IRS2: variants seen among roughly 807,000 people sequenced by gnomAD.
IRS2 encodes insulin receptor substrate 2.
A neutral mutation model predicts 70.9 loss-of-function variants in IRS2; 28 were observed. That is an observed-to-expected ratio of 0.39 (90% CI 0.29 to 0.54). The LOEUF (loss-of-function observed/expected upper bound fraction) is 0.54, where lower values mean the gene tolerates loss of function less well. Ranked by LOEUF, IRS2 falls within the 20% of genes least tolerant of loss-of-function variation. The pLI is 0.59. For synonymous variants in IRS2, 1,217 were observed against 981.9 expected (o/e 1.24, Z -4.48); for missense variants, 2,081 against 2,024.1 (o/e 1.03, Z -0.54).
At position 109,783,737 on chromosome 13, in the gene IRS2, C is replaced by G. The variant is rs1877807365; in HGVS notation, c.2317G>C (p.Asp773His). 6.3e-7 allele frequency: 1 copy of G among 1,584,458 alleles called. No homozygotes were observed. The highest frequency in any genetic ancestry group is 8.6e-7 in the Non-Finnish European group (1 of 1,165,468). The change falls in exon 1 of 2, where the codon GAC becomes CAC. Residue 773 changes from aspartate to histidine, a missense_variant. Asp to His is a moderately conservative substitution (Grantham distance 81). Around this residue, in one of 4 missense-constraint regions of IRS2, gnomAD observed 1,615 missense variants for 1,459.5 expected, o/e 1.11. Transcript: ENST00000375856. ...NGDYLNVSPS[D>H]AVTTGTPPDF... Reference sequence around the variant, plus strand: ...GGCGGGGTGCCCGTGGTGACCGCGTCGCTGGGGGACACGTTGAGGTAGTCC... The same window carrying G: ...GGCGGGGTGCCCGTGGTGACCGCGTGGCTGGGGGACACGTTGAGGTAGTCC...
At chr13:109,768,896 TA>T (rs922139357) in intron 1 of IRS2, among the ~76,000 whole-genome samples, 7 of 152,094 alleles carry the variant, frequency 4.6e-5, no homozygotes, top group African/African-American at 1.7e-4. Context: ...GATTTTCCAT[TA>T]AAAAACAGGG....
rs2138932014 is a variant in IRS2 at position 109,783,214 on chromosome 13, G to A, written c.2840C>T (p.Ser947Leu). ...GGCCGGGCTGCTGGCGGACAAGAGCGAGGAGGACGAGGCCGCCGACGCCAG... is the reference window on the plus strand; with the variant it reads ...GGCCGGGCTGCTGGCGGACAAGAGCAAGGAGGACGAGGCCGCCGACGCCAG... ...PLLASAASSS[S>L]LLSASSPASS... The change falls in exon 1 of 2, where the codon TCG becomes TTG. Residue 947 changes from serine to leucine, a missense_variant. Ser to Leu is a moderately radical substitution (Grantham distance 145). Transcript: ENST00000375856. 1 of 1,429,284 alleles carries A rather than the reference G, an allele frequency of 7.0e-7. No individual in the cohort carries two copies. The highest frequency in any genetic ancestry group is 9.1e-7 in the Non-Finnish European group (1 of 1,095,174). 88.5% of individuals were successfully genotyped at this position (1,429,284 alleles called of 1,614,324 possible). A position where few individuals can be genotyped will look rare whatever the true frequency, so the allele number is the denominator to read the frequency against.
chr13:109,767,949 T>C (rs958651365), intron 1 of IRS2, among the ~76,000 whole-genome samples: 2 of 152,184 alleles, frequency 1.3e-5, no homozygotes, highest in Non-Finnish European at 2.9e-5. Context: ...GCCAGGATGG[T>C]CTCAAACTCC....
At position 109,783,731 on chromosome 13, in the gene IRS2, C is replaced by A. The variant is rs1877807104; in HGVS notation, c.2323G>T (p.Val775Phe). 6.3e-7 allele frequency: 1 copy of A among 1,580,588 alleles called. No homozygotes were observed. Among genetic ancestry groups the A allele is most frequent in the African/African-American group, 1.3e-5 (1 of 74,240 alleles). ...AAGTCGGGCGGGGTGCCCGTGGTGA[C>A]CGCGTCGCTGGGGGACACGTTGAGG... ...DYLNVSPSDAVTTGTPPDFFS... is the reference protein window; with the variant it reads ...DYLNVSPSDAFTTGTPPDFFS... Residue 775 changes from valine to phenylalanine, a missense_variant, in exon 1 of 2, where the codon GTC becomes TTC. Physicochemically the swap from Val to Phe is conservative, Grantham distance 50. Coordinates refer to ENST00000375856, the MANE Select transcript of IRS2 (RefSeq NM_003749.3).
At chr13:109,760,519 G>A (rs1422630370) in intron 1 of IRS2, among the ~76,000 whole-genome samples, 1 of 152,212 alleles carries the variant, frequency 6.6e-6, no homozygotes, top group Admixed American at 6.5e-5. Flanking sequence ...ACTTTTAGCA[G>A]AGATGAGAGT....
At chr13:109,767,623 A>T (rs766810392) in intron 1 of IRS2, among the ~76,000 whole-genome samples, 1 of 152,068 alleles carries the variant, frequency 6.6e-6, no homozygotes, top group Non-Finnish European at 1.5e-5. Flanking sequence ...TGCGTACAGA[A>T]TAGACAGTAG....
At chr13:109,780,864 C>T (rs1261782936) in intron 1 of IRS2, among the ~76,000 whole-genome samples, 1 of 152,318 alleles carries the variant, frequency 6.6e-6, no homozygotes, top group South Asian at 2.1e-4. Flanking sequence ...ACCTTTCCCT[C>T]TCATCTCCCC....
chr13:109,757,110 T>C (rs1341054421), intron 1 of IRS2, among the ~76,000 whole-genome samples: 1 of 152,176 alleles, frequency 6.6e-6, no homozygotes. Context: ...TTCTTTAACC[T>C]TTCTCAATTT....
chr13:109,774,322 TC>T lies in IRS2; in HGVS notation c.4012+7719del, dbSNP rs1877523104. 2.0e-5 allele frequency among the ~76,000 whole-genome samples: 3 copies of T among 152,272 alleles called. No homozygotes were observed. In the South Asian group the frequency reaches 6.2e-4, roughly 32 times the overall value. On this transcript the variant is annotated intron_variant, in intron 1 of 1. Coordinates refer to ENST00000375856, the MANE Select transcript of IRS2 (RefSeq NM_003749.3). ...CCAACTTGATGGTCAACTTTAAAAT[TC>T]ACTAGTAACATCACAGCCTTGAAAA... is the stretch of plus-strand genomic sequence containing the variant.
At chr13:109,764,310 A>G (rs1877289011) in intron 1 of IRS2, among the ~76,000 whole-genome samples, 1 of 152,204 alleles carries the variant, frequency 6.6e-6, no homozygotes, top group African/African-American at 2.4e-5. Flanking sequence ...CCCCAGGGCT[A>G]GCATCTAGGA....
chr13:109,773,942 T>C (rs1222212665), intron 1 of IRS2, among the ~76,000 whole-genome samples: 1 of 152,358 alleles, frequency 6.6e-6, no homozygotes, highest in African/African-American at 2.4e-5. Context: ...TTCTTGATGA[T>C]ATCTACAAAC....
chr13:109,785,015 G>C lies in IRS2; in HGVS notation c.1039C>G (p.Leu347Val), dbSNP rs1329548871. The C allele has an allele frequency of 6.9e-7, 1 of 1,455,362 alleles. No individual in the cohort carries two copies. Among genetic ancestry groups the C allele is most frequent in the South Asian group, 1.4e-5 (1 of 71,912 alleles). The allele number at this position is 1,455,362 out of a possible 1,614,324, so 90.2% of individuals were successfully genotyped here. A position where few individuals can be genotyped will look rare whatever the true frequency, so the allele number is the denominator to read the frequency against. ...GLVRRSRTDSLAATPPAAKCS... is the reference protein window; with the variant it reads ...GLVRRSRTDSVAATPPAAKCS... ...TTGGCCGCCGGCGGGGTGGCGGCCA[G>C]GCTGTCGGTGCGCGAGCGGCGCACC... Residue 347 changes from leucine to valine, a missense_variant, in exon 1 of 2, where the codon CTG becomes GTG. Physicochemically the swap from Leu to Val is conservative, Grantham distance 32 (BLOSUM62 1). Around this residue, in one of 4 missense-constraint regions of IRS2, gnomAD observed 111 missense variants for 133.1 expected, o/e 0.83. Transcript: ENST00000375856. This position sits in a 1 kb window ranked among gnomAD's most constrained non-coding sequence, Gnocchi z 9.3.
intron 1 of IRS2, among the ~76,000 whole-genome samples, chr13:109,759,050 T>C (rs1202111041): frequency 6.6e-6 from 1 of 152,164 alleles, no homozygotes; most frequent in Non-Finnish European, 1.5e-5. Flanking sequence ...AGAAACAGGA[T>C]GACCACCCGC....
At chr13:109,756,660 G>C (rs961779576) in intron 1 of IRS2, among the ~76,000 whole-genome samples, 10 of 152,196 alleles carry the variant, frequency 6.6e-5, no homozygotes, top group Admixed American at 5.2e-4. Context: ...CTGTGTGATG[G>C]AATGACCCCT....
intron 1 of IRS2, among the ~76,000 whole-genome samples, chr13:109,767,729 T>G (rs1464667175): frequency 1.2e-5 from 1 of 85,650 alleles, no homozygotes; most frequent in African/African-American, 5.7e-5. Flanking sequence ...CCATTTTTCC[T>G]TTTTTTTTTT....
intron 1 of IRS2, among the ~76,000 whole-genome samples, chr13:109,774,824 A>G (rs1256799551): frequency 6.6e-6 from 1 of 152,204 alleles, no homozygotes. Context: ...AAAGGGAAGA[A>G]AAACACCCTT....
chr13:109,774,053 G>A (rs1356958595), intron 1 of IRS2, among the ~76,000 whole-genome samples: 4 of 152,036 alleles, frequency 2.6e-5, no homozygotes, highest in East Asian at 3.9e-4. Context: ...TTCTATCAAC[G>A]GTTCTCAACT....
In IRS2 at chr13:109,782,236, G is replaced by A. The variant is rs1877725160; in HGVS notation, c.3818C>T (p.Pro1273Leu). ...CTTGTCTCCCGGCTGAGGAAGCGGC[G>A]GCGGCGGCGGCTGCGGCTGGGGTGG... is the stretch of plus-strand genomic sequence containing the variant. ...GLPPQPQPPP[P>L]PLPQPGDKSS... The change falls in exon 1 of 2, where the codon CCG becomes CTG. Residue 1273 changes from proline (P) to leucine (L), a missense_variant. Physicochemically the swap from Pro to Leu is moderately conservative, Grantham distance 98. Coordinates refer to ENST00000375856, the MANE Select transcript of IRS2 (RefSeq NM_003749.3). 3 of 1,607,266 alleles carry A rather than the reference G, an allele frequency of 1.9e-6. No homozygotes were observed. Among genetic ancestry groups the A allele is most frequent in the Non-Finnish European group, 2.5e-6 (3 of 1,177,322 alleles).
At position 109,784,839 on chromosome 13, in the gene IRS2, C is replaced by G. The variant is rs982796374; in HGVS notation, c.1215G>C (p.Leu405=). 4.3e-5 allele frequency: 53 copies of G among 1,245,586 alleles called. No homozygotes were observed. The highest frequency in any genetic ancestry group is 4.4e-5 in the Non-Finnish European group (43 of 985,036). 77.2% of individuals were successfully genotyped at this position (1,245,586 alleles called of 1,614,324 possible). The part of the protein sequence containing the change: ...VRAPLSRSHT[L]SGGCGGRGSK... ...TCCCGCGGCCGCCGCAGCCGCCGCT[C>G]AGGGTGTGCGAGCGGCTCAGGGGCG... Residue 405 remains leucine (L), a synonymous_variant, in exon 1 of 2, where the codon CTG becomes CTC. Transcript: ENST00000375856. This position sits in a 1 kb window ranked among gnomAD's most constrained non-coding sequence, Gnocchi z 5.2.
Sources: gnomAD v4.1 joint callset for allele counts (sites outside exome capture counted in the v4.1 genomes callset) on GRCh38, gnomAD v4.1.1 for gene constraint, gnomAD v4.1.1 regional missense constraint, Gnocchi (gnomAD v3.1) non-coding constraint, MANE v1.5 for transcripts, NCBI Gene and HGNC (gene_info 2026-07-23, HGNC 2026-07-21) for gene names.